Variants in LGSN observed in about 807,000 individuals in gnomAD.
LGSN encodes the protein lengsin, lens protein with glutamine synthetase domain, also known as lengsin.
Under a neutral mutation model 19.5 loss-of-function variants are expected in LGSN, and 21 were observed. The ratio of observed to expected loss-of-function variants is 1.07; its 90% CI spans 0.76 to 1.55. The LOEUF is 1.55. Ranked by LOEUF, LGSN falls within the 40% of genes most tolerant of loss-of-function variation. The pLI is 0.00. For missense variants in LGSN, 673 were observed against 608.5 expected (o/e 1.11, Z -1.12); for synonymous variants, 257 against 215.6 (o/e 1.19, Z -1.68).
the LGSN span, among the ~76,000 whole-genome samples, chr6:63,355,975 C>T: frequency 5.9e-5 from 9 of 152,100 alleles, no homozygotes; most frequent in African/African-American, 9.7e-5. Context: ...CACTGGACCT[C>T]GCCAGTACTC....
chr6:63,281,278 G>T (rs1767301970), intron 3 of LGSN, 58 bp from the exon 4 acceptor site: 2 of 1,266,010 alleles, frequency 1.6e-6, no homozygotes, highest in South Asian at 5.3e-5. Flanking sequence ...AGGGTCGGGG[G>T]GCGGCGGGAA....
chr6:63,548,975 C>G, the LGSN span: 13 of 745,360 alleles, frequency 1.7e-5, no homozygotes, highest in Admixed American at 2.5e-4. Flanking sequence ...AGTAAGGGAC[C>G]CGCATTTTAT....
At chr6:63,343,370 T>C in the LGSN span, among the ~76,000 whole-genome samples, 1 of 152,220 alleles carries the variant, frequency 6.6e-6, no homozygotes, top group Non-Finnish European at 1.5e-5. Flanking sequence ...TATATGTTTA[T>C]AAAACAGAAG....
chr6:63,484,379 G>A, the LGSN span, among the ~76,000 whole-genome samples: 5 of 151,776 alleles, frequency 3.3e-5, no homozygotes, highest in East Asian at 1.9e-4. Context: ...AAAAATAACC[G>A]AGTGTGGTGC....
At chr6:63,290,351 C>G (rs1767718737) in intron 2 of LGSN, among the ~76,000 whole-genome samples, 1 of 152,162 alleles carries the variant, frequency 6.6e-6, no homozygotes. Flanking sequence ...AGATTTCTGG[C>G]TTAAGACAAA....
At chr6:63,392,026 A>G in the LGSN span, among the ~76,000 whole-genome samples, 82 of 152,366 alleles carry the variant, frequency 5.4e-4, no homozygotes, top group Middle Eastern at 3.4e-3. Context: ...CCAAAATTCC[A>G]AGTAATTATA....
At chr6:63,362,563 T>C in the LGSN span, among the ~76,000 whole-genome samples, 2 of 152,178 alleles carry the variant, frequency 1.3e-5, no homozygotes, top group Non-Finnish European at 2.9e-5. Context: ...CCCGCCTGGC[T>C]CAGAGGGTCT....
chr6:63,413,014 G>T, the LGSN span, among the ~76,000 whole-genome samples: 46 of 152,256 alleles, frequency 3.0e-4, no homozygotes, highest in African/African-American at 1.1e-3. Flanking sequence ...ATAAAATCAT[G>T]TGCTAAAATA....
chr6:63,509,061 G>GA, the LGSN span, among the ~76,000 whole-genome samples: 1 of 150,836 alleles, frequency 6.6e-6, no homozygotes, highest in Non-Finnish European at 1.5e-5. Context: ...TGTAATAAAG[G>GA]AAAAAAATTT....
At chr6:63,551,867 T>C in the LGSN span, among the ~76,000 whole-genome samples, 1 of 152,248 alleles carries the variant, frequency 6.6e-6, no homozygotes, top group East Asian at 1.9e-4. Context: ...ACAAAGGACA[T>C]GAACTCATCA....
chr6:63,327,936 G>A, the LGSN span, among the ~76,000 whole-genome samples: 1 of 152,180 alleles, frequency 6.6e-6, no homozygotes, highest in Non-Finnish European at 1.5e-5. Context: ...CCTGCACCGT[G>A]TGCAGTAACT....
chr6:63,448,380 A>G, the LGSN span, among the ~76,000 whole-genome samples: 2 of 152,214 alleles, frequency 1.3e-5, no homozygotes, highest in East Asian at 3.9e-4. Flanking sequence ...CCATGAGTTC[A>G]TCCTTATTTA....
At chr6:63,511,154 G>A in the LGSN span, among the ~76,000 whole-genome samples, 5 of 151,660 alleles carry the variant, frequency 3.3e-5, no homozygotes, top group South Asian at 8.3e-4. Context: ...CCTGCAACAC[G>A]CTATATCTAT....
chr6:63,473,938 A>G, the LGSN span, among the ~76,000 whole-genome samples: 3 of 149,358 alleles, frequency 2.0e-5, no homozygotes, highest in Non-Finnish European at 4.4e-5. Context: ...TTAAAGATAC[A>G]TGCTCCATTG....
intron 2 of LGSN, among the ~76,000 whole-genome samples, chr6:63,287,718 T>C (rs1767599250): frequency 6.6e-6 from 1 of 151,834 alleles, no homozygotes; most frequent in South Asian, 2.1e-4. Context: ...CCAATAATAA[T>C]AATAATATGG....
the LGSN span, among the ~76,000 whole-genome samples, chr6:63,553,453 A>G: frequency 6.6e-6 from 1 of 152,248 alleles, no homozygotes; most frequent in Non-Finnish European, 1.5e-5. Context: ...ATAACCAGTT[A>G]CATGGGTGGC....
chr6:63,470,833 G>C, the LGSN span, among the ~76,000 whole-genome samples: 1 of 151,220 alleles, frequency 6.6e-6, no homozygotes, highest in Non-Finnish European at 1.5e-5. Context: ...ACAGAAATAA[G>C]TGTAAGTACA....
chr6:63,279,185 G>A lies in LGSN; in HGVS notation c.*836C>T, dbSNP rs1165236053. 6.6e-6 allele frequency: 1 copy of A among 152,192 alleles called. No individual in the cohort carries two copies. Among genetic ancestry groups the A allele is most frequent in the Non-Finnish European group, 1.5e-5 (1 of 68,044 alleles). The allele number at this position is 152,192 out of a possible 1,614,324, so 9.4% of individuals were successfully genotyped here. ...TGTTCTCACACTCCACAGAGCACTA[G>A]AGGTTTCAGAGGAACATCTAGTTTC... On this transcript the variant is annotated 3_prime_UTR_variant, in exon 4 of 4. Coordinates refer to ENST00000370657, the MANE Select transcript of LGSN (RefSeq NM_016571.3).
At chr6:63,475,460 G>A in the LGSN span, among the ~76,000 whole-genome samples, 20 of 152,248 alleles carry the variant, frequency 1.3e-4, no homozygotes, top group African/African-American at 4.6e-4. Context: ...GAAGTGATAT[G>A]TGTGTACTTT....
Sources: allele counts gnomAD v4.1 joint callset (sites outside exome capture counted in the v4.1 genomes callset), GRCh38; gene constraint gnomAD v4.1.1; transcripts MANE v1.5; gene names NCBI Gene and HGNC (gene_info 2026-07-23, HGNC 2026-07-21).